KALRN: variants seen among roughly 807,000 people sequenced by gnomAD.
KALRN encodes the protein kalirin.
Under a neutral mutation model 353.7 loss-of-function variants are expected in KALRN, and 70 were observed. The observed-to-expected ratio is 0.20, with a 90% CI of 0.16 to 0.24. The LOEUF is 0.24. Ranked by LOEUF, KALRN falls within the 10% of genes least tolerant of loss-of-function variation. KALRN has a pLI of 1.00. For synonymous variants in KALRN, 1,391 were observed against 1,434.8 expected, an observed-to-expected ratio of 0.97 and a Z score of 0.69; for missense variants, 2,791 against 3,756.7, an observed-to-expected ratio of 0.74 and a Z score of 6.72.
intron 1 of KALRN, among the ~76,000 whole-genome samples, chr3:124,182,202 T>G (rs1383653831): frequency 6.6e-6 from 1 of 152,182 alleles, no homozygotes; most frequent in East Asian, 1.9e-4. Context: ...AACAAATTGC[T>G]CCAAAACTTA....
intron 33 of KALRN, among the ~76,000 whole-genome samples, chr3:124,522,010 AAC>A (rs529732999): frequency 3.1e-4 from 47 of 152,154 alleles, no homozygotes; most frequent in Non-Finnish European, 5.9e-4. Flanking sequence ...CAAAATAAAT[AAC>A]ACAGCATATT....
At chr3:124,563,905 G>A (rs2072383612) in intron 34 of KALRN, among the ~76,000 whole-genome samples, 1 of 151,198 alleles carries the variant, frequency 6.6e-6, no homozygotes, top group South Asian at 2.1e-4. Context: ...TGAGGCAGGA[G>A]AATCACTTGA....
intron 34 of KALRN, among the ~76,000 whole-genome samples, chr3:124,621,947 G>C (rs2149694506): frequency 6.6e-6 from 1 of 152,226 alleles, no homozygotes; most frequent in South Asian, 2.1e-4. Context: ...TTTCACCTTT[G>C]GCCCTCCCAT....
chr3:124,596,652 CT>C (rs1218064341), intron 34 of KALRN, among the ~76,000 whole-genome samples: 1 of 152,136 alleles, frequency 6.6e-6, no homozygotes, highest in African/African-American at 2.4e-5. Flanking sequence ...CATGGAATCT[CT>C]TCATAGGGTT....
intron 21 of KALRN, among the ~76,000 whole-genome samples, chr3:124,450,663 A>C (rs2058686832): frequency 1.3e-5 from 2 of 151,784 alleles, no homozygotes; most frequent in Admixed American, 1.3e-4. Context: ...CCTGGGTTCA[A>C]GTGATTCTCC....
At chr3:124,114,380 A>G (rs1156979254) in intron 1 of KALRN, among the ~76,000 whole-genome samples, 1 of 152,158 alleles carries the variant, frequency 6.6e-6, no homozygotes, top group African/African-American at 2.4e-5. Flanking sequence ...AACCCTGTGC[A>G]AAAGTTGAAG....
chr3:124,199,144 G>T (rs777271568), intron 1 of KALRN, among the ~76,000 whole-genome samples: 40 of 152,252 alleles, frequency 2.6e-4, no homozygotes, highest in Non-Finnish European at 5.6e-4. Flanking sequence ...GGGAGACACA[G>T]GTTGGAGCAT....
At position 124,193,945 on chromosome 3, in the gene KALRN, A is replaced by C. The variant is rs140810435; in HGVS notation, c.74-34045A>C. Among the ~76,000 whole-genome samples the C allele has an allele frequency of 2.5e-4, 38 of 152,288 alleles. No homozygotes were observed. In the East Asian group the frequency reaches 6.8e-3, roughly 27 times the overall value. ...TGAAAGGAACTAAAAAGGTAGAATT[A>C]GGGAGGATTCTGACTTATGAAATTC... On this transcript the variant is annotated intron_variant, in intron 1 of 59. Transcript: ENST00000682506.
chr3:124,343,016 A>G (rs992122071), intron 9 of KALRN, among the ~76,000 whole-genome samples: 1 of 151,992 alleles, frequency 6.6e-6, no homozygotes, highest in African/African-American at 2.4e-5. Flanking sequence ...AGTCCTGGCA[A>G]TTCTTTCCCC....
intron 34 of KALRN, among the ~76,000 whole-genome samples, chr3:124,619,596 C>G (rs1052347423): frequency 8.1e-5 from 12 of 148,450 alleles, no homozygotes; most frequent in African/African-American, 3.0e-4. Context: ...AAGCAATTCT[C>G]CTGCCTCAGC....
chr3:124,706,429 T>C (rs937363130), intron 57 of KALRN, among the ~76,000 whole-genome samples: 4 of 152,210 alleles, frequency 2.6e-5, no homozygotes, highest in Non-Finnish European at 4.4e-5. Flanking sequence ...CTCTGGGAAC[T>C]CTAACCAGCC....
chr3:124,366,855 C>T (rs1384617494), intron 10 of KALRN, among the ~76,000 whole-genome samples: 7 of 145,268 alleles, frequency 4.8e-5, no homozygotes, highest in African/African-American at 1.6e-4. Flanking sequence ...ACCTCCCTCC[C>T]GGACGGGGCG....
In KALRN at chr3:124,155,600, A is replaced by G. The variant is rs976506766; in HGVS notation, c.74-72390A>G. On this transcript the variant is annotated intron_variant, in intron 1 of 59. Coordinates refer to ENST00000682506, the MANE Select transcript of KALRN (RefSeq NM_001388419.1). ...GTATGAACACACAGACAGTTCACAAACAAGACAGTTAAGAAACCATCCTCT... is the reference window on the plus strand; with the variant it reads ...GTATGAACACACAGACAGTTCACAAGCAAGACAGTTAAGAAACCATCCTCT... Among the ~76,000 whole-genome samples, 88 of 152,248 alleles carry G rather than the reference A, an allele frequency of 5.8e-4. 1 individual carries two copies. Among genetic ancestry groups the G allele is most frequent in the African/African-American group, 2.1e-3 (87 of 41,468 alleles).
intron 1 of KALRN, among the ~76,000 whole-genome samples, chr3:124,224,893 T>C (rs9859929): frequency 0.14 from 21,315 of 152,216 alleles, 2,792 homozygotes; most frequent in East Asian, 0.65. Flanking sequence ...CTACTCAGAT[T>C]GCCAGTGCTT....
intron 33 of KALRN, among the ~76,000 whole-genome samples, chr3:124,503,509 T>C (rs1034225385): frequency 3.1e-4 from 47 of 152,288 alleles, no homozygotes; most frequent in African/African-American, 1.1e-3. Flanking sequence ...GAAAATAACT[T>C]TCTTCCCAGT....
At chr3:124,531,643 G>C (rs1401351992) in intron 33 of KALRN, among the ~76,000 whole-genome samples, 1 of 152,104 alleles carries the variant, frequency 6.6e-6, no homozygotes, top group East Asian at 1.9e-4. Context: ...GAGAGAGTGA[G>C]GGGGGAGGTG....
chr3:124,275,510 G>A (rs2074614278), intron 5 of KALRN, among the ~76,000 whole-genome samples: 1 of 152,094 alleles, frequency 6.6e-6, no homozygotes, highest in Admixed American at 6.5e-5. Context: ...TTGTTTGTTT[G>A]CTTAAAAAAA....
intron 34 of KALRN, among the ~76,000 whole-genome samples, chr3:124,603,387 G>A (rs760408384): frequency 2.6e-5 from 4 of 152,102 alleles, no homozygotes; most frequent in Admixed American, 6.5e-5. Context: ...TTCTTGCTCC[G>A]TATGGCAACA....
intron 1 of KALRN, among the ~76,000 whole-genome samples, chr3:124,046,983 C>CTTTTTTT (rs201245508): frequency 1.0e-4 from 12 of 116,896 alleles, no homozygotes; most frequent in Non-Finnish European, 1.4e-4. Context: ...GGAAATGTAT[C>CTTTTTTT]TTTTTTTTTT....
Sources: allele counts gnomAD v4.1 joint callset (sites outside exome capture counted in the v4.1 genomes callset), GRCh38; gene constraint gnomAD v4.1.1; transcripts MANE v1.5; gene names NCBI Gene and HGNC (gene_info 2026-07-23, HGNC 2026-07-21).